Variants in MTHFD2L observed in about 807,000 individuals in gnomAD.
The protein encoded by MTHFD2L is methylenetetrahydrofolate dehydrogenase (NADP+ dependent) 2 like.
A neutral mutation model predicts 34.9 loss-of-function variants in MTHFD2L; 29 were observed. That is an observed-to-expected ratio of 0.83 (90% CI 0.62 to 1.13). The LOEUF (loss-of-function observed/expected upper bound fraction) is 1.13. Among genes scored for constraint, MTHFD2L ranks in the 50% most tolerant of loss-of-function variants. The pLI is 0.00. For missense variants in MTHFD2L, 481 were observed against 446.5 expected (o/e 1.08, Z -0.70); for synonymous variants, 167 against 155.7 (o/e 1.07, Z -0.54).
At chr4:74,280,299 AC>A (rs934883597) in intron 6 of MTHFD2L, 7 of 152,040 alleles carry the variant, frequency 4.6e-5, no homozygotes, top group Non-Finnish European at 8.8e-5. Flanking sequence ...GGTAACTAAT[AC>A]TTCTTGTCTC....
intron 3 of MTHFD2L, among the ~76,000 whole-genome samples, chr4:74,179,882 G>A (rs1421622886): frequency 6.6e-6 from 1 of 151,958 alleles, no homozygotes; most frequent in Admixed American, 6.6e-5. Context: ...GTAATTTTCA[G>A]GTTGCGGTGT....
At chr4:74,173,262 G>T (rs980859960) in intron 1 of MTHFD2L, among the ~76,000 whole-genome samples, 1 of 152,192 alleles carries the variant, frequency 6.6e-6, no homozygotes, top group Non-Finnish European at 1.5e-5. Flanking sequence ...TTGAGGTCAT[G>T]GAGAGCAGAA....
intron 1 of MTHFD2L, among the ~76,000 whole-genome samples, chr4:74,152,115 T>C (rs946505907): frequency 2.0e-5 from 3 of 152,120 alleles, no homozygotes; most frequent in Admixed American, 2.0e-4. Context: ...ATATCAACAA[T>C]GTTTTCTTTC....
intron 5 of MTHFD2L, among the ~76,000 whole-genome samples, chr4:74,214,152 A>C (rs1419881842): frequency 1.3e-5 from 2 of 151,760 alleles, no homozygotes; most frequent in African/African-American, 4.9e-5. Context: ...TTGGGTCAGA[A>C]CATGCTCCTT....
chr4:74,295,564 C>G (rs972248778), intron 7 of MTHFD2L, among the ~76,000 whole-genome samples: 1 of 152,192 alleles, frequency 6.6e-6, no homozygotes. Context: ...TGTGCAAACA[C>G]AGAACAGTTT....
chr4:74,248,888 G>C (rs1165295767), intron 6 of MTHFD2L, among the ~76,000 whole-genome samples: 46 of 150,466 alleles, frequency 3.1e-4, no homozygotes, highest in African/African-American at 4.8e-4. Flanking sequence ...GCTGAGGAGA[G>C]CTTTACTTCC....
chr4:74,302,868 T>A lies in MTHFD2L; in HGVS notation c.*1059T>A, dbSNP rs1490503627. 6.6e-6 allele frequency: 1 copy of A among 152,132 alleles called. No homozygotes were observed. The highest frequency in any genetic ancestry group is 2.4e-5 in the African/African-American group (1 of 41,438). The allele number at this position is 152,132 out of a possible 1,614,324, so 9.4% of individuals were successfully genotyped here. ...AGTAGATGCAATGTTTCTAACACAA[T>A]TTAAATTAGGAAATATATATGAATG... is the stretch of plus-strand genomic sequence containing the variant. On this transcript the variant is annotated 3_prime_UTR_variant, in exon 8 of 8. Transcript: ENST00000325278.
intron 1 of MTHFD2L, among the ~76,000 whole-genome samples, chr4:74,131,287 A>G (rs1722476670): frequency 6.6e-6 from 1 of 152,176 alleles, no homozygotes; most frequent in Non-Finnish European, 1.5e-5. Flanking sequence ...GACAATCCTA[A>G]ACAAACAGAA....
chr4:74,208,981 C>T (rs1157704811), intron 5 of MTHFD2L, among the ~76,000 whole-genome samples: 3 of 152,028 alleles, frequency 2.0e-5, no homozygotes, highest in Admixed American at 1.3e-4. Context: ...TCTAAGGGTC[C>T]CCGGCAGAAG....
intron 6 of MTHFD2L, among the ~76,000 whole-genome samples, chr4:74,260,346 G>A (rs1170732316): frequency 6.6e-6 from 1 of 152,104 alleles, no homozygotes; most frequent in Non-Finnish European, 1.5e-5. Flanking sequence ...CCTTCTTTCT[G>A]AAGATCTGTT....
chr4:74,281,197 T>G (rs1442982547), intron 6 of MTHFD2L, among the ~76,000 whole-genome samples: 1 of 152,096 alleles, frequency 6.6e-6, no homozygotes, highest in African/African-American at 2.4e-5. Flanking sequence ...ATCTCTGAAG[T>G]GAGAGGCTAG....
intron 6 of MTHFD2L, among the ~76,000 whole-genome samples, chr4:74,260,034 A>G (rs1744489985): frequency 6.6e-6 from 1 of 152,154 alleles, no homozygotes; most frequent in Non-Finnish European, 1.5e-5. Flanking sequence ...ATGCTCCACT[A>G]CAGCCATTGC....
rs541363918 is a variant in MTHFD2L at position 74,177,738 on chromosome 4, C to A, written c.451+2335C>A. On this transcript the variant is annotated intron_variant, in intron 3 of 7. Coordinates refer to ENST00000325278, the MANE Select transcript of MTHFD2L (RefSeq NM_001144978.3). ...AGAATACCGTATGATCAAAAAATTCCATTTCTGTATATATATCCAAATGTC... is the reference window on the plus strand; with the variant it reads ...AGAATACCGTATGATCAAAAAATTCAATTTCTGTATATATATCCAAATGTC... Among the ~76,000 whole-genome samples the A allele has an allele frequency of 2.6e-4, 39 of 151,956 alleles. 1 individual carries two copies. In the South Asian group the frequency reaches 8.1e-3, roughly 32 times the overall value.
intron 6 of MTHFD2L, among the ~76,000 whole-genome samples, chr4:74,228,770 C>T (rs1280736711): frequency 6.6e-6 from 1 of 152,160 alleles, no homozygotes; most frequent in African/African-American, 2.4e-5. Context: ...AACAGAAGGA[C>T]AAGGAAGACT....
intron 7 of MTHFD2L, among the ~76,000 whole-genome samples, chr4:74,294,016 G>T (rs2110318268): frequency 6.6e-6 from 1 of 152,232 alleles, no homozygotes; most frequent in South Asian, 2.1e-4. Context: ...CTTTTTGGGG[G>T]AGGGAGTTGA....
At chr4:74,261,017 A>AAAAT (rs1553919552) in intron 6 of MTHFD2L, among the ~76,000 whole-genome samples, 1 of 139,982 alleles carries the variant, frequency 7.1e-6, no homozygotes, top group African/African-American at 2.7e-5. Context: ...AATAGAAAAA[A>AAAAT]ATATATATAT....
intron 7 of MTHFD2L, among the ~76,000 whole-genome samples, chr4:74,282,784 G>A (rs189101666): frequency 6.6e-6 from 1 of 152,102 alleles, no homozygotes; most frequent in Non-Finnish European, 1.5e-5. Context: ...CTCTGACATG[G>A]TTGGAACTCT....
At chr4:74,279,453 C>T (rs1033100294) in intron 6 of MTHFD2L, among the ~76,000 whole-genome samples, 1 of 151,870 alleles carries the variant, frequency 6.6e-6, no homozygotes, top group African/African-American at 2.4e-5. Context: ...ATATATAAAG[C>T]GTCATTATCC....
At chr4:74,240,806 T>C (rs1325894292) in intron 6 of MTHFD2L, among the ~76,000 whole-genome samples, 1 of 152,222 alleles carries the variant, frequency 6.6e-6, no homozygotes, top group African/African-American at 2.4e-5. Context: ...GCTGTCATGT[T>C]GTTTTCTGCA....
Sources: allele counts gnomAD v4.1 joint callset (sites outside exome capture counted in the v4.1 genomes callset), GRCh38; gene constraint gnomAD v4.1.1; transcripts MANE v1.5; gene names NCBI Gene and HGNC (gene_info 2026-07-23, HGNC 2026-07-21).